Variants in DNAH2 observed in about 807,000 individuals in gnomAD.
DNAH2 encodes the protein dynein axonemal heavy chain 2.
A neutral mutation model predicts 523.5 loss-of-function variants in DNAH2; 323 were observed. The ratio of observed to expected loss-of-function variants is 0.62; its 90% CI spans 0.56 to 0.68. The LOEUF is 0.68. Among genes scored for constraint, DNAH2 ranks in the 30% least tolerant of loss-of-function variants. DNAH2 has a pLI of 0.00. For missense variants in DNAH2, 4,907 were observed against 5,701.5 expected, an observed-to-expected ratio of 0.86 and a Z score of 4.49; for synonymous variants, 2,093 against 2,177.4, an observed-to-expected ratio of 0.96 and a Z score of 1.08.
rs769898023 is a variant in DNAH2, at chr17:7,833,156, A to C, written c.13064A>C (p.Gln4355Pro). Residue 4355 changes from glutamine (Q) to proline (P), a missense_variant, in exon 85 of 86, where the codon CAG (glutamine) becomes CCG (proline). Transcript: ENST00000572933. ...TGCTTGGTGGAGGCAGAGCCCATGC[A>C]GCTTGTCTGCCTCATGCCCACGATC... is the stretch of plus-strand genomic sequence containing the variant. ...NSCLVEAEPMQLVCLMPTIHF... is the reference protein window; with the variant it reads ...NSCLVEAEPMPLVCLMPTIHF... 1 of 1,610,794 alleles carries C rather than the reference A, an allele frequency of 6.2e-7. No homozygotes were observed. Among genetic ancestry groups the C allele is most frequent in the Non-Finnish European group, 8.5e-7 (1 of 1,180,018 alleles).
Position 7,792,333 on chromosome 17 carries a change from T to C in DNAH2, c.7135T>C (p.Tyr2379His). The change falls in exon 46 of 86, where the codon TAC becomes CAC. Residue 2379 changes from tyrosine (Y) to histidine (H), a missense_variant. Coordinates refer to ENST00000572933, the MANE Select transcript of DNAH2 (RefSeq NM_020877.5). ...GGACAAGCTCCCTAAGAGTTGGCGCTACCCTCCAAAGTAAGAGCTGGGCCT... is the reference window on the plus strand; with the variant it reads ...GGACAAGCTCCCTAAGAGTTGGCGCCACCCTCCAAAGTAAGAGCTGGGCCT... ...FEDKLPKSWR[Y>H]PPNAPFYKIM... The C allele has an allele frequency of 1.2e-6, 2 of 1,614,022 alleles. No individual in the cohort carries two copies. Among genetic ancestry groups the C allele is most frequent in the Non-Finnish European group, 1.7e-6 (2 of 1,179,996 alleles).
At chr17:7,781,190 C>T (rs1302329548) in intron 39 of DNAH2, 23 bp downstream of exon 39, 2 of 1,613,738 alleles carry the variant, frequency 1.2e-6, no homozygotes, top group Non-Finnish European at 8.5e-7. Flanking sequence ...TAATACTCTC[C>T]CTGACCGGGT....
chr17:7,830,023 T>G (rs575433551), intron 77 of DNAH2, among the ~76,000 whole-genome samples: 73 of 109,472 alleles, frequency 6.7e-4, no homozygotes, highest in African/African-American at 2.8e-3. Context: ...CGAAACTCCG[T>G]CTCAAAAAAA....
Position 7,758,571 on chromosome 17 carries a change from C to G in DNAH2, c.2128C>G (p.Pro710Ala), listed in dbSNP as rs569427332. ...TCGGCTCCTGGATAAGAAGATCCAC[C>G]CGGGACTCAAGAAACTGCACTGGGC... is the stretch of plus-strand genomic sequence containing the variant. ...RIRLLDKKIHPGLKKLHWALK... is the reference protein window; with the variant it reads ...RIRLLDKKIHAGLKKLHWALK... The change falls in exon 14 of 86, where the codon CCG (proline) becomes GCG (alanine). Residue 710 changes from proline to alanine, a missense_variant. Physicochemically the swap from Pro to Ala is conservative, Grantham distance 27 (BLOSUM62 -1). Around this residue, in one of 3 missense-constraint regions of DNAH2, gnomAD observed 2,806 missense variants for 3,190.8 expected, o/e 0.88. Coordinates refer to ENST00000572933, the MANE Select transcript of DNAH2 (RefSeq NM_020877.5). The G allele has an allele frequency of 6.2e-7, 1 of 1,614,120 alleles. No individual in the cohort carries two copies. The highest frequency in any genetic ancestry group is 1.7e-5 in the Admixed American group (1 of 60,002).
intron 39 of DNAH2, among the ~76,000 whole-genome samples, chr17:7,782,161 C>T (rs965589261): frequency 2.0e-5 from 3 of 152,100 alleles, no homozygotes; most frequent in African/African-American, 4.8e-5. Flanking sequence ...GGAGATGAAA[C>T]AACCCAAGTC....
chr17:7,729,180 A>G (rs368974690), intron 4 of DNAH2, among the ~76,000 whole-genome samples: 1 of 152,138 alleles, frequency 6.6e-6, no homozygotes, highest in Non-Finnish European at 1.5e-5. Flanking sequence ...TGGGAGACCA[A>G]TGAAAAACAT....
chr17:7,817,933 C>T lies in DNAH2; in HGVS notation c.10237-13C>T. On this transcript the variant is annotated splice_polypyrimidine_tract_variant and intron_variant, in intron 67 of 85. Transcript: ENST00000572933. Reference sequence around the variant, plus strand: ...TCCCGTAGTGTTCCTTCACCTTCCCCCTTGCTCTCTAGGGCCTGAAGATCA... The same window carrying T: ...TCCCGTAGTGTTCCTTCACCTTCCCTCTTGCTCTCTAGGGCCTGAAGATCA... The T allele has an allele frequency of 6.2e-7, 1 of 1,614,126 alleles. No homozygotes were observed. Among genetic ancestry groups the T allele is most frequent in the Non-Finnish European group, 8.5e-7 (1 of 1,180,010 alleles).
chr17:7,772,267 C>T (rs1399767316), intron 28 of DNAH2, among the ~76,000 whole-genome samples: 2 of 152,092 alleles, frequency 1.3e-5, no homozygotes, highest in African/African-American at 4.8e-5. Context: ...AACAGTGCTT[C>T]ATTTTCCCAA....
intron 5 of DNAH2, 87 bp downstream of exon 5, chr17:7,733,402 C>A: frequency 7.7e-7 from 1 of 1,298,106 alleles, no homozygotes; most frequent in South Asian, 1.3e-5. Flanking sequence ...CGTCTGAGCA[C>A]CTGTGTGGAG....
chr17:7,768,199 A>G lies in DNAH2; in HGVS notation c.3873A>G (p.Ser1291=), dbSNP rs760217711. 6.2e-6 allele frequency: 10 copies of G among 1,614,038 alleles called. No individual in the cohort carries two copies. The highest frequency in any genetic ancestry group is 8.5e-6 in the Non-Finnish European group (10 of 1,180,026). The change falls in exon 24 of 86, where the codon TCA becomes TCG. Residue 1291 remains serine (S), a synonymous_variant. Transcript: ENST00000572933. ...GGGAAATTATTGAAACCACTCGCTCAAAAATAGAGCAGTTCAAGAGGACCA... is the reference window on the plus strand; with the variant it reads ...GGGAAATTATTGAAACCACTCGCTCGAAAATAGAGCAGTTCAAGAGGACCA... The part of the protein sequence containing the change: ...RNWEIIETTR[S]KIEQFKRTMP...
intron 10 of DNAH2, 21 bp downstream of exon 10, chr17:7,740,570 C>T: frequency 6.2e-7 from 1 of 1,610,704 alleles, no homozygotes; most frequent in Non-Finnish European, 8.5e-7. Context: ...CCCGCGGCTT[C>T]CTCGGCTTCC....
chr17:7,804,200 C>T, intron 58 of DNAH2, 56 bp from the exon 59 acceptor site: 2 of 1,579,234 alleles, frequency 1.3e-6, no homozygotes, highest in South Asian at 1.1e-5. Context: ...CCTTACAGGA[C>T]ACCGCGCTTT....
intron 63 of DNAH2, among the ~76,000 whole-genome samples, chr17:7,812,664 G>T (rs994111901): frequency 3.3e-5 from 5 of 149,430 alleles, no homozygotes; most frequent in Non-Finnish European, 7.4e-5. Flanking sequence ...CTCACGCCTG[G>T]AATCCCAGCA....
intron 12 of DNAH2, among the ~76,000 whole-genome samples, chr17:7,750,091 C>G (rs1322334438): frequency 6.6e-6 from 1 of 152,102 alleles, no homozygotes; most frequent in Non-Finnish European, 1.5e-5. Context: ...TGCTCTGCTT[C>G]CCAGGTTCAA....
chr17:7,726,165 C>T lies in DNAH2; in HGVS notation c.229-957C>T, dbSNP rs139112476. On this transcript the variant is annotated intron_variant, in intron 3 of 85. Coordinates refer to ENST00000572933, the MANE Select transcript of DNAH2 (RefSeq NM_020877.5). ...GGATTACAGGAACCCACCACCATGC[C>T]TGGCTGATTTTTGTATTTTTAGTAG... Among the ~76,000 whole-genome samples, 153 of 152,120 alleles carry T rather than the reference C, an allele frequency of 1.0e-3. 2 individuals are homozygous for T. Among genetic ancestry groups the T allele is most frequent in the African/African-American group, 3.3e-3 (138 of 41,492 alleles).
intron 18 of DNAH2, among the ~76,000 whole-genome samples, chr17:7,761,972 A>G (rs2076018400): frequency 6.6e-6 from 1 of 152,128 alleles, no homozygotes; most frequent in African/African-American, 2.4e-5. Flanking sequence ...TAAGGAAGAT[A>G]AAAGTATCGC....
chr17:7,749,306 CCCAAAAAAAAAAAAAAAAAAAAAA>C (rs2075608407), intron 12 of DNAH2, among the ~76,000 whole-genome samples: 14 of 3,494 alleles, frequency 4.0e-3, no homozygotes, highest in Admixed American at 9.1e-3. Flanking sequence ...TAAACTCCCC[CCCAAAAAAAAAAAAAAAAAAAAAA>C]AAAAAAAAAA....
intron 18 of DNAH2, 34 bp from the exon 19 acceptor site, chr17:7,763,797 A>T: frequency 6.2e-7 from 1 of 1,612,234 alleles, no homozygotes. Context: ...TGCAAAGAAA[A>T]CAACATCCTA....
At chr17:7,766,640 C>CTTTTTTTTTTTTTTTTTTT in intron 22 of DNAH2, among the ~76,000 whole-genome samples, 159 bp downstream of exon 22, 1 of 84,430 alleles carries the variant, frequency 1.2e-5, no homozygotes, top group Non-Finnish European at 2.3e-5. Context: ...AAAATTAATC[C>CTTTTTTTTTTTTTTTTTTT]TTTTTTTTTT....
Sources: allele counts gnomAD v4.1 joint callset (sites outside exome capture counted in the v4.1 genomes callset), GRCh38; gene constraint gnomAD v4.1.1; regional missense constraint gnomAD v4.1.1; transcripts MANE v1.5; gene names NCBI Gene and HGNC (gene_info 2026-07-23, HGNC 2026-07-21).